The following ROBO1 variants were observed in gnomAD, a reference collection of about 807,000 sequenced individuals.
The protein encoded by ROBO1 is roundabout guidance receptor 1, also known as roundabout homolog 1.
A neutral mutation model predicts 195.9 loss-of-function variants in ROBO1; 149 were observed. That is an observed-to-expected ratio of 0.76 (90% CI 0.67 to 0.87). The LOEUF is 0.87. Among genes scored for constraint, ROBO1 ranks in the 40% least tolerant of loss-of-function variants. ROBO1 has a pLI of 0.00. For synonymous variants in ROBO1, 816 were observed against 733.2 expected (o/e 1.11, Z -1.82); for missense variants, 1,933 against 2,068.3 (o/e 0.93, Z 1.27).
chr3:79,716,328 A>T (rs1365425638), intron 1 of ROBO1, among the ~76,000 whole-genome samples: 1 of 151,920 alleles, frequency 6.6e-6, no homozygotes, highest in Non-Finnish European at 1.5e-5. Flanking sequence ...GAAATAATAG[A>T]TGCATTATGA....
At chr3:78,717,252 T>G in intron 7 of ROBO1, 23 bp downstream of exon 7, 1 of 1,528,472 alleles carries the variant, frequency 6.5e-7, no homozygotes, top group Non-Finnish European at 8.8e-7. Context: ...TGACAAATCA[T>G]ATCATGAAAC....
intron 1 of ROBO1, among the ~76,000 whole-genome samples, chr3:79,739,757 T>A (rs1178409882): frequency 6.6e-6 from 1 of 152,192 alleles, no homozygotes; most frequent in Admixed American, 6.5e-5. Flanking sequence ...GCACTGGAGA[T>A]ACCTTGTGGT....
intron 3 of ROBO1, among the ~76,000 whole-genome samples, chr3:79,083,561 C>T (rs1478044324): frequency 6.6e-6 from 1 of 152,116 alleles, no homozygotes; most frequent in Non-Finnish European, 1.5e-5. Flanking sequence ...AAACATTCAA[C>T]CACAATATTT....
At chr3:79,094,892 C>T (rs2079540437) in intron 3 of ROBO1, among the ~76,000 whole-genome samples, 2 of 138,316 alleles carry the variant, frequency 1.4e-5, no homozygotes, top group African/African-American at 2.7e-5. Flanking sequence ...TCCTTCCCCT[C>T]ACCCTTCCTT....
intron 8 of ROBO1, among the ~76,000 whole-genome samples, chr3:78,701,503 A>T (rs888630691): frequency 1.3e-5 from 2 of 152,212 alleles, no homozygotes; most frequent in African/African-American, 4.8e-5. Flanking sequence ...ACAATCTAGC[A>T]TAGAGTTATA....
intron 2 of ROBO1, among the ~76,000 whole-genome samples, chr3:79,423,940 T>C (rs1275679355): frequency 6.6e-6 from 1 of 152,032 alleles, no homozygotes; most frequent in African/African-American, 2.4e-5. Flanking sequence ...GTTATGTTCA[T>C]AAGACTGCCC....
chr3:78,999,783 A>T (rs1162512366), intron 3 of ROBO1, among the ~76,000 whole-genome samples: 1 of 152,154 alleles, frequency 6.6e-6, no homozygotes, highest in Non-Finnish European at 1.5e-5. Context: ...ATTCTAAATT[A>T]TTGATGGTTT....
intron 4 of ROBO1, among the ~76,000 whole-genome samples, chr3:78,934,187 A>G (rs2039677358): frequency 6.6e-6 from 1 of 151,928 alleles, no homozygotes; most frequent in South Asian, 2.1e-4. Flanking sequence ...AATAGCAAAA[A>G]CAATTGAGAC....
intron 2 of ROBO1, among the ~76,000 whole-genome samples, chr3:79,276,185 A>G (rs942766056): frequency 6.6e-6 from 1 of 152,096 alleles, no homozygotes; most frequent in African/African-American, 2.4e-5. Flanking sequence ...AGCAAAAAGA[A>G]CAAAACTGGA....
intron 2 of ROBO1, among the ~76,000 whole-genome samples, chr3:79,383,215 T>C (rs1403628523): frequency 6.6e-6 from 1 of 152,110 alleles, no homozygotes; most frequent in African/African-American, 2.4e-5. Flanking sequence ...TGTCATTATT[T>C]TTGACTACCT....
intron 2 of ROBO1, among the ~76,000 whole-genome samples, chr3:79,272,897 A>G (rs1277530530): frequency 3.3e-5 from 5 of 152,088 alleles, no homozygotes; most frequent in Non-Finnish European, 7.4e-5. Flanking sequence ...AGAAATCAAT[A>G]CATTTGGCGG....
intron 27 of ROBO1, 128 bp downstream of exon 27, chr3:78,617,506 TA>T (rs373038212): frequency 0.091 from 65,110 of 714,314 alleles, 780 homozygotes; most frequent in African/African-American, 0.18. Context: ...CTTAGGCAGC[TA>T]AAAAAAAAAA....
chr3:78,711,371 CTTCCT>C (rs2081712239), intron 8 of ROBO1, among the ~76,000 whole-genome samples: 1 of 26,042 alleles, frequency 3.8e-5, no homozygotes, highest in African/African-American at 1.7e-4. Flanking sequence ...TCCTTCCTTC[CTTCCT>C]TCCTTCCTTC....
intron 3 of ROBO1, among the ~76,000 whole-genome samples, chr3:78,970,729 A>T (rs2107909107): frequency 6.6e-6 from 1 of 152,344 alleles, no homozygotes. Flanking sequence ...ATTATAATTT[A>T]TCCCATTTAA....
At chr3:78,900,835 G>A (rs191945641) in intron 4 of ROBO1, among the ~76,000 whole-genome samples, 36 of 151,992 alleles carry the variant, frequency 2.4e-4, no homozygotes, top group African/African-American at 7.7e-4. Context: ...CAAAATAAAT[G>A]TCATGTTCTT....
intron 2 of ROBO1, among the ~76,000 whole-genome samples, chr3:79,512,534 T>G (rs899568650): frequency 3.3e-5 from 5 of 152,180 alleles, no homozygotes; most frequent in African/African-American, 9.6e-5. Flanking sequence ...TCTAATTCCT[T>G]TTTACATATT....
intron 4 of ROBO1, among the ~76,000 whole-genome samples, chr3:78,792,093 C>G (rs1236121721): frequency 6.6e-6 from 1 of 152,166 alleles, no homozygotes; most frequent in East Asian, 1.9e-4. Context: ...CCTTTCTAAC[C>G]CTGGGGAGTT....
At position 78,875,845 on chromosome 3, in the gene ROBO1, GAGTTATT is replaced by G. The variant is rs139465352; in HGVS notation, c.499+62749_499+62755del. Among the ~76,000 whole-genome samples, 1,293 of 152,110 alleles carry G rather than the reference GAGTTATT, an allele frequency of 8.5e-3. 13 individuals carry two copies. The highest frequency in any genetic ancestry group is 0.034 in the Middle Eastern group (10 of 294). On this transcript the variant is annotated intron_variant, in intron 4 of 30. Coordinates refer to ENST00000464233, the MANE Select transcript of ROBO1 (RefSeq NM_002941.4). ...AGGAACTAACAACTAAAAGAAAAAGGAGTTATTAGTAAGTCCTTCACATGTATAATCT... is the reference window on the plus strand; with the variant it reads ...AGGAACTAACAACTAAAAGAAAAAGGAGTAAGTCCTTCACATGTATAATCT...
intron 2 of ROBO1, among the ~76,000 whole-genome samples, chr3:79,454,999 C>T (rs2039569952): frequency 6.6e-6 from 1 of 152,098 alleles, no homozygotes; most frequent in Admixed American, 6.6e-5. Context: ...TCTTAGGGAA[C>T]ATTCTAAGTA....
Sources: gnomAD v4.1 joint callset for allele counts (sites outside exome capture counted in the v4.1 genomes callset) on GRCh38, gnomAD v4.1.1 for gene constraint, MANE v1.5 for transcripts, NCBI Gene and HGNC (gene_info 2026-07-23, HGNC 2026-07-21) for gene names.